NPEPL1: variants seen among roughly 807,000 people sequenced by gnomAD.
NPEPL1 encodes the protein probable aminopeptidase NPEPL1.
A neutral mutation model predicts 52.4 loss-of-function variants in NPEPL1; 45 were observed. That is an observed-to-expected ratio of 0.86 (90% CI 0.68 to 1.10). The LOEUF (loss-of-function observed/expected upper bound fraction) is 1.10, where lower values mean the gene tolerates loss of function less well. Ranked by LOEUF, NPEPL1 falls within the 50% of genes least tolerant of loss-of-function variation. The pLI is 0.00. For synonymous variants in NPEPL1, 360 were observed against 314.7 expected (o/e 1.14, Z -1.52); for missense variants, 696 against 710.9 (o/e 0.98, Z 0.24).
At chr20:58,712,101 CTGTGTGTGTACG>C (rs1568860628) in intron 7 of NPEPL1, among the ~76,000 whole-genome samples, 3 of 98,588 alleles carry the variant, frequency 3.0e-5, no homozygotes, top group South Asian at 3.9e-4. Flanking sequence ...TCCTGCCCCT[CTGTGTGTGTACG>C]TGTGTGTGTG....
chr20:58,693,612 C>A, intron 1 of NPEPL1, 125 bp from the exon 2 acceptor site: 1 of 786,122 alleles, frequency 1.3e-6, no homozygotes, highest in Non-Finnish European at 2.0e-6. Flanking sequence ...AAAACGGTGG[C>A]CGGGAGCTGC....
At chr20:58,691,040 T>G, upstream of NPEPL1, 1 of 700,266 alleles carries the variant, frequency 1.4e-6, no homozygotes, top group Non-Finnish European at 2.6e-6. Context: ...CCAGGACTTC[T>G]CCCACGTGGA....
chr20:58,709,580 CCT>C (rs1372917564), intron 7 of NPEPL1, among the ~76,000 whole-genome samples: 1 of 152,150 alleles, frequency 6.6e-6, no homozygotes, highest in Admixed American at 6.5e-5. Context: ...TCTCAGAGTG[CCT>C]CTCGCAGCTT....
intron 10 of NPEPL1, 60 bp from the exon 11 acceptor site, chr20:58,714,500 A>G (rs2084916869): frequency 8.2e-7 from 1 of 1,223,918 alleles, no homozygotes; most frequent in African/African-American, 1.5e-5. Flanking sequence ...GCGATGGGGC[A>G]GGGTGGAGAG....
chr20:58,702,832 A>G (rs1228179752), intron 6 of NPEPL1, among the ~76,000 whole-genome samples: 1 of 152,212 alleles, frequency 6.6e-6, no homozygotes, highest in African/African-American at 2.4e-5. Context: ...TTTGGCAGAG[A>G]TTCTTAAAAA....
chr20:58,692,404 C>T (rs2084366634), upstream of NPEPL1, among the ~76,000 whole-genome samples: 1 of 152,176 alleles, frequency 6.6e-6, no homozygotes, highest in Non-Finnish European at 1.5e-5. The surrounding 1 kb of genome is among the most constrained non-coding windows in gnomAD (Gnocchi z 5.7). Flanking sequence ...GGTGCGGGGT[C>T]CCTGGGGATC....
Position 58,713,883 on chromosome 20 carries a change from C to T in NPEPL1, c.1126-34C>T, listed in dbSNP as rs774013473. On this transcript the variant is annotated intron_variant, in intron 9 of 11. Coordinates refer to ENST00000356091, the MANE Select transcript of NPEPL1 (RefSeq NM_024663.4). This position sits in a 1 kb window ranked among gnomAD's most constrained non-coding sequence, Gnocchi z 4.6. ...CTTGGGTGTTTCTCTCCTGCCGTCC[C>T]GTCCACACGCTTCCCGGGTTCCTGC... 3.1e-5 allele frequency: 45 copies of T among 1,432,744 alleles called. No individual in the cohort carries two copies. Among genetic ancestry groups the T allele is most frequent in the East Asian group, 8.1e-5 (3 of 37,096 alleles). The allele number at this position is 1,432,744 out of a possible 1,614,324, so 88.8% of individuals were successfully genotyped here.
chr20:58,704,004 C>A (rs1240391225), intron 6 of NPEPL1: 5 of 985,266 alleles, frequency 5.1e-6, no homozygotes, highest in Non-Finnish European at 4.8e-6. Context: ...AGCCCATCTT[C>A]CCCGCTGCAG....
intron 7 of NPEPL1, among the ~76,000 whole-genome samples, chr20:58,709,275 C>T (rs946415316): frequency 1.3e-5 from 2 of 152,008 alleles, no homozygotes; most frequent in African/African-American, 4.8e-5. Flanking sequence ...TCCTTGTTGG[C>T]CTCTTAGAAA....
rs752344898 is a variant in NPEPL1, at chr20:58,713,441, G to A, written c.1023G>A (p.Thr341=). ...YSGKTVEINN[T]DAEGRLVLAD... Reference sequence around the variant, plus strand: ...CCAGGACGGTGGAAATCAACAACACGGATGCCGAGGGCAGGCTGGTGCTGG... The same window carrying A: ...CCAGGACGGTGGAAATCAACAACACAGATGCCGAGGGCAGGCTGGTGCTGG... Residue 341 remains threonine (T), a synonymous_variant, in exon 9 of 12, where the codon ACG becomes ACA. Transcript: ENST00000356091. This position sits in a 1 kb window ranked among gnomAD's most constrained non-coding sequence, Gnocchi z 4.6. 1.1e-5 allele frequency: 17 copies of A among 1,608,842 alleles called. No individual in the cohort carries two copies. The highest frequency in any genetic ancestry group is 2.7e-5 in the African/African-American group (2 of 74,858).
intron 3 of NPEPL1, among the ~76,000 whole-genome samples, chr20:58,698,386 G>A (rs2084534484): frequency 6.6e-6 from 1 of 152,136 alleles, no homozygotes; most frequent in Non-Finnish European, 1.5e-5. Context: ...AGGACACAGG[G>A]CTTGGAAAAG....
intron 7 of NPEPL1, 97 bp downstream of exon 7, chr20:58,707,297 G>A: frequency 8.7e-7 from 1 of 1,155,842 alleles, no homozygotes. Flanking sequence ...CCCCACCAGG[G>A]TCCTACCCGA....
upstream of NPEPL1, chr20:58,691,463 G>T (rs148892415): frequency 3.1e-6 from 2 of 648,692 alleles, no homozygotes; most frequent in Non-Finnish European, 5.5e-6. Context: ...AAAAAGACCT[G>T]CCTTCAGGAT....
chr20:58,696,415 A>G (rs868630030), intron 3 of NPEPL1, among the ~76,000 whole-genome samples: 5 of 152,114 alleles, frequency 3.3e-5, no homozygotes, highest in Admixed American at 2.0e-4. Context: ...TGTGCTCCTC[A>G]CTGGGTTGGG....
chr20:58,693,519 TG>T, intron 1 of NPEPL1: 1 of 479,208 alleles, frequency 2.1e-6, no homozygotes, highest in Non-Finnish European at 3.7e-6. Context: ...CCAGGCTTGG[TG>T]GCTTCATCCC....
At position 58,715,402 on chromosome 20, in the gene NPEPL1, T is replaced by C. The variant is rs2084933110; in HGVS notation, c.*76T>C. The C allele has an allele frequency of 1.4e-6, 2 of 1,401,454 alleles. No homozygotes were observed. The highest frequency in any genetic ancestry group is 5.4e-5 in the East Asian group (2 of 37,376). The allele number at this position is 1,401,454 out of a possible 1,614,324, so 86.8% of individuals were successfully genotyped here. ...TGATTAATTTTAAGCAATTGAAAGA[T>C]TGCCCTTCATATGGGTTTTGGTTTG... On this transcript the variant is annotated 3_prime_UTR_variant, in exon 12 of 12. Transcript: ENST00000356091.
In NPEPL1 at chr20:58,713,977, G is replaced by A. The variant is rs867615224; in HGVS notation, c.1186G>A (p.Ala396Thr). The A allele has an allele frequency of 3.9e-6, 6 of 1,521,784 alleles. No homozygotes were observed. In the South Asian group the frequency reaches 5.0e-5, roughly 13 times the overall value. The allele number at this position is 1,521,784 out of a possible 1,614,324, so 94.3% of individuals were successfully genotyped here. Residue 396 changes from alanine (A) to threonine (T), a missense_variant, in exon 10 of 12, where the codon GCC becomes ACC. Ala to Thr is a moderately conservative substitution (Grantham distance 58). Coordinates refer to ENST00000356091, the MANE Select transcript of NPEPL1 (RefSeq NM_024663.4). The surrounding 1 kb of genome is among the most constrained non-coding windows in gnomAD (Gnocchi z 4.6). Reference sequence around the variant, plus strand: ...CACCAACAGCGCTGAGTGGGAGGCCGCCTGTGTGAAGGCGGGCAGGAAGTG... The same window carrying A: ...CACCAACAGCGCTGAGTGGGAGGCCACCTGTGTGAAGGCGGGCAGGAAGTG... ...VLTNSAEWEA[A>T]CVKAGRKCGD...
At chr20:58,694,325 C>G (rs1342973184) in intron 2 of NPEPL1, 97 bp from the exon 3 acceptor site, 1 of 1,284,066 alleles carries the variant, frequency 7.8e-7, no homozygotes, top group East Asian at 2.4e-5. Context: ...TGTCACCTGC[C>G]AGGGAGCTGA....
At chr20:58,707,813 C>CA (rs2084766922) in intron 7 of NPEPL1, among the ~76,000 whole-genome samples, 1 of 152,208 alleles carries the variant, frequency 6.6e-6, no homozygotes, top group Non-Finnish European at 1.5e-5. Flanking sequence ...GAGGCCAGCT[C>CA]ATGCTGGTAA....
Sources: allele counts gnomAD v4.1 joint callset (sites outside exome capture counted in the v4.1 genomes callset), GRCh38; gene constraint gnomAD v4.1.1; non-coding constraint Gnocchi (gnomAD v3.1); transcripts MANE v1.5; gene names NCBI Gene and HGNC (gene_info 2026-07-23, HGNC 2026-07-21).